CHSY3: variants seen among roughly 807,000 people sequenced by gnomAD.
CHSY3 encodes the protein N-acetylgalactosaminyl-proteoglycan 3-beta-glucuronosyltransferase 3.
A neutral mutation model predicts 67.2 loss-of-function variants in CHSY3; 35 were observed. The observed-to-expected ratio is 0.52, with a 90% CI of 0.40 to 0.69. The LOEUF (loss-of-function observed/expected upper bound fraction) is 0.69, where lower values mean the gene tolerates loss of function less well. Among genes scored for constraint, CHSY3 ranks in the 30% least tolerant of loss-of-function variants. CHSY3 has a pLI of 0.00. For synonymous variants in CHSY3, 474 were observed against 434.7 expected (o/e 1.09, Z -1.12); for missense variants, 1,069 against 1,138.5 (o/e 0.94, Z 0.88).
chr5:129,982,510 T>C (rs1763049862), intron 2 of CHSY3, among the ~76,000 whole-genome samples: 1 of 152,106 alleles, frequency 6.6e-6, no homozygotes, highest in Non-Finnish European at 1.5e-5. Flanking sequence ...TGATCAAAAT[T>C]TGTATCTTGA....
intron 2 of CHSY3, among the ~76,000 whole-genome samples, chr5:130,182,576 T>C (rs950234483): frequency 4.6e-5 from 7 of 152,162 alleles, no homozygotes; most frequent in African/African-American, 1.7e-4. Context: ...CCCAAAAGTC[T>C]TGCAGATATT....
chr5:129,915,388 G>A (rs1760700199), intron 2 of CHSY3, among the ~76,000 whole-genome samples: 1 of 152,046 alleles, frequency 6.6e-6, no homozygotes, highest in Non-Finnish European at 1.5e-5. Context: ...CATATAAATC[G>A]GTTTGAGTCG....
At chr5:130,129,698 T>A (rs1327037863) in intron 2 of CHSY3, among the ~76,000 whole-genome samples, 1 of 152,170 alleles carries the variant, frequency 6.6e-6, no homozygotes, top group African/African-American at 2.4e-5. Flanking sequence ...ATGGACCATC[T>A]CTCAGAAGCT....
At chr5:130,083,782 T>C (rs1214532316) in intron 2 of CHSY3, among the ~76,000 whole-genome samples, 1 of 152,048 alleles carries the variant, frequency 6.6e-6, no homozygotes. Flanking sequence ...GTCATTATCA[T>C]AAACAAATGC....
chr5:129,935,773 C>T (rs1224721030), intron 2 of CHSY3, among the ~76,000 whole-genome samples: 1 of 152,180 alleles, frequency 6.6e-6, no homozygotes, highest in African/African-American at 2.4e-5. Context: ...TAAACTGAAG[C>T]TGCCACATGT....
At chr5:129,995,730 G>C (rs555475040) in intron 2 of CHSY3, among the ~76,000 whole-genome samples, 152 of 151,804 alleles carry the variant, frequency 1.0e-3, no homozygotes, top group African/African-American at 3.6e-3. Flanking sequence ...ACTATACTCT[G>C]TTTTTTAAGA....
Position 130,025,494 on chromosome 5 carries a change from G to A in CHSY3, c.1086+117134G>A, listed in dbSNP as rs575155083. 2.0e-3 allele frequency among the ~76,000 whole-genome samples: 297 copies of A among 152,170 alleles called. 1 individual carries two copies. Among genetic ancestry groups the A allele is most frequent in the African/African-American group, 6.8e-3 (284 of 41,530 alleles). The stretch of plus-strand genomic sequence containing the variant: ...TGTGCCCTATAACAAAAGAAGCCAC[G>A]GAATCAAAGAGAAACAGTGATATTG... On this transcript the variant is annotated intron_variant, in intron 2 of 2. Coordinates refer to ENST00000305031, the MANE Select transcript of CHSY3 (RefSeq NM_175856.5).
In CHSY3 at chr5:130,185,534, A is replaced by G. The variant is rs1285147399; in HGVS notation, c.2392A>G (p.Thr798Ala). The change falls in exon 3 of 3, where the codon ACC becomes GCC. Residue 798 changes from threonine to alanine, a missense_variant. Thr to Ala is a moderately conservative substitution (Grantham distance 58, BLOSUM62 0). Coordinates refer to ENST00000305031, the MANE Select transcript of CHSY3 (RefSeq NM_175856.5). The stretch of plus-strand genomic sequence containing the variant: ...TCTTCTAGGTGCAGGTGGATTTGAT[A>G]CCTCAATACAAGGCTGGGGACTAGA... ...SDLLGAGGFD[T>A]SIQGWGLEDV... 5 of 1,614,166 alleles carry G rather than the reference A, an allele frequency of 3.1e-6. No individual in the cohort carries two copies. The South Asian group carries it at 3.3e-5, about 11-fold the overall frequency.
chr5:129,971,852 A>T (rs551791332), intron 2 of CHSY3, among the ~76,000 whole-genome samples: 3 of 152,128 alleles, frequency 2.0e-5, no homozygotes, highest in African/African-American at 7.2e-5. Context: ...TAGACATGAG[A>T]CTTGTCTCCA....
At chr5:129,957,650 AT>A (rs1561472747) in intron 2 of CHSY3, among the ~76,000 whole-genome samples, 2 of 152,016 alleles carry the variant, frequency 1.3e-5, no homozygotes, top group African/African-American at 4.8e-5. Context: ...ACTGTGTTCT[AT>A]TTTTCACTGT....
intron 2 of CHSY3, among the ~76,000 whole-genome samples, chr5:130,076,918 A>G: frequency 7.1e-6 from 1 of 141,184 alleles, no homozygotes; most frequent in Non-Finnish European, 1.5e-5. Flanking sequence ...GGACACAGGA[A>G]GGGGAACTTC....
chr5:130,137,417 C>G lies in CHSY3; in HGVS notation c.1087-46812C>G, dbSNP rs376413076. ...TATTCGAATATTTTCAGTATATCTT[C>G]TTGGTTTTCAATCATTTTGCCATCC... On this transcript the variant is annotated intron_variant, in intron 2 of 2. Transcript: ENST00000305031. 2.0e-5 allele frequency among the ~76,000 whole-genome samples: 3 copies of G among 152,096 alleles called. No homozygotes were observed. The South Asian group carries it at 6.2e-4, about 32-fold the overall frequency.
At chr5:130,146,983 G>A (rs1005198733) in intron 2 of CHSY3, among the ~76,000 whole-genome samples, 4 of 151,976 alleles carry the variant, frequency 2.6e-5, no homozygotes, top group African/African-American at 4.8e-5. Flanking sequence ...TAGTAGAGAC[G>A]GGGTTTCACC....
chr5:129,938,974 C>T (rs1240112447), intron 2 of CHSY3, among the ~76,000 whole-genome samples: 2 of 152,132 alleles, frequency 1.3e-5, no homozygotes, highest in Non-Finnish European at 2.9e-5. Context: ...AGTCCATTCT[C>T]ACACTGCTAT....
chr5:130,159,084 A>C (rs2149727196), intron 2 of CHSY3, among the ~76,000 whole-genome samples: 1 of 148,660 alleles, frequency 6.7e-6, no homozygotes, highest in African/African-American at 2.5e-5. Flanking sequence ...ACAGGCGTGA[A>C]CCATGGCACC....
intron 1 of CHSY3, 187 bp downstream of exon 1, chr5:129,905,818 C>T (rs764459363): frequency 1.4e-4 from 184 of 1,284,352 alleles, no homozygotes; most frequent in Admixed American, 1.8e-4. Context: ...TCCTCGTCTT[C>T]TGCAATCTGG....
At chr5:129,917,820 C>T (rs948813056) in intron 2 of CHSY3, among the ~76,000 whole-genome samples, 2 of 152,062 alleles carry the variant, frequency 1.3e-5, no homozygotes, top group Non-Finnish European at 2.9e-5. Flanking sequence ...GATGCTGGAC[C>T]CCACCCTTCA....
At chr5:130,067,596 A>G (rs1765924137) in intron 2 of CHSY3, among the ~76,000 whole-genome samples, 1 of 152,110 alleles carries the variant, frequency 6.6e-6, no homozygotes, top group East Asian at 1.9e-4. Flanking sequence ...ACTCTATGGT[A>G]TTGGACTTTT....
chr5:130,174,974 GATATA>G (rs908605683), intron 2 of CHSY3, among the ~76,000 whole-genome samples: 50 of 152,218 alleles, frequency 3.3e-4, no homozygotes, highest in African/African-American at 1.1e-3. Flanking sequence ...ACATGGAAAA[GATATA>G]ATAGTGGGGT....
Sources: allele counts gnomAD v4.1 joint callset (sites outside exome capture counted in the v4.1 genomes callset), GRCh38; gene constraint gnomAD v4.1.1; transcripts MANE v1.5; gene names NCBI Gene and HGNC (gene_info 2026-07-23, HGNC 2026-07-21).